SKP2: variants seen among roughly 807,000 people sequenced by gnomAD.
The protein encoded by SKP2 is S-phase kinase associated protein 2.
A neutral mutation model predicts 51.8 loss-of-function variants in SKP2; 16 were observed. That is an observed-to-expected ratio of 0.31 (90% CI 0.21 to 0.47). The LOEUF is 0.47. SKP2 is among the 20% of genes least tolerant of loss of function. The pLI is 1.00. For missense variants in SKP2, 377 were observed against 505.3 expected (o/e 0.75, Z 2.43); for synonymous variants, 176 against 198.6 (o/e 0.89, Z 0.96).
downstream of SKP2, among the ~76,000 whole-genome samples, chr5:36,189,179 T>C (rs1304122131): frequency 6.6e-6 from 1 of 152,180 alleles, no homozygotes; most frequent in Non-Finnish European, 1.5e-5. Flanking sequence ...AACTTCCTCC[T>C]TTAGCTCGGA....
chr5:36,171,554 T>C (rs1047389912), intron 6 of SKP2, 49 bp from the exon 7 acceptor site: 2 of 1,579,780 alleles, frequency 1.3e-6, no homozygotes, highest in Non-Finnish European at 8.7e-7. Flanking sequence ...GGCAAACTCA[T>C]TCCCGTGTGA....
At chr5:36,155,450 A>C (rs1744915530) in intron 2 of SKP2, among the ~76,000 whole-genome samples, 1 of 152,182 alleles carries the variant, frequency 6.6e-6, no homozygotes, top group Non-Finnish European at 1.5e-5. Flanking sequence ...GGAGTGCTGT[A>C]ATAATACCCA....
chr5:36,153,240 A>ATG (rs1405444262), intron 2 of SKP2, among the ~76,000 whole-genome samples, 198 bp downstream of exon 2: 2 of 115,060 alleles, frequency 1.7e-5, no homozygotes, highest in East Asian at 4.7e-4. Flanking sequence ...ATATATATAT[A>ATG]TATGTATGTT....
intron 5 of SKP2, 33 bp downstream of exon 5, chr5:36,168,480 T>C (rs7736391): frequency 0.82 from 1,321,950 of 1,609,692 alleles, 557,448 homozygotes; most frequent in Non-Finnish European, 0.88. Context: ...CAAAGGCAGT[T>C]GATTTTATGT....
Position 36,177,246 on chromosome 5 carries a change from C to A in SKP2, c.1015C>A (p.His339Asn). The change falls in exon 9 of 10, where the codon CAC becomes AAC. Residue 339 changes from histidine (H) to asparagine (N), a missense_variant. Physicochemically the swap from His to Asn is moderately conservative, Grantham distance 68 (BLOSUM62 1). This residue lies in a region of SKP2 where 262 missense variants were observed against 389.8 expected (regional missense o/e 0.67). Coordinates refer to ENST00000274255, the MANE Select transcript of SKP2 (RefSeq NM_005983.4). ...ATTTTTCCAGCTCAACTACCTCCAACACCTATCACTCAGTCGGTGCTATGA... is the reference window on the plus strand; with the variant it reads ...ATTTTTCCAGCTCAACTACCTCCAAAACCTATCACTCAGTCGGTGCTATGA... ...QEFFQLNYLQ[H>N]LSLSRCYDII... 7 of 1,612,120 alleles carry A rather than the reference C, an allele frequency of 4.3e-6. No homozygotes were observed. The highest frequency in any genetic ancestry group is 5.9e-6 in the Non-Finnish European group (7 of 1,178,464).
chr5:36,193,334 G>A (rs1746090224), intron 7 of SKP2: 1 of 152,074 alleles, frequency 6.6e-6, no homozygotes. Flanking sequence ...AAATTAGCCA[G>A]GCATAGTGGT....
Position 36,182,690 on chromosome 5 carries a change from C to T in SKP2, c.*659C>T. ...ATCAATATAGGATTTGAAGGCCCAG[C>T]AGACAGTTTTCTATGACAGGTTAAT... On this transcript the variant is annotated 3_prime_UTR_variant, in exon 10 of 10. Coordinates refer to ENST00000274255, the MANE Select transcript of SKP2 (RefSeq NM_005983.4). 2.0e-6 allele frequency: 2 copies of T among 977,690 alleles called. No individual in the cohort carries two copies. The highest frequency in any genetic ancestry group is 2.4e-6 in the Non-Finnish European group (2 of 822,948). 60.6% of individuals were successfully genotyped at this position (977,690 alleles called of 1,614,324 possible). A position where few individuals can be genotyped will look rare whatever the true frequency, so the allele number is the denominator to read the frequency against.
intron 4 of SKP2, 55 bp from the exon 5 acceptor site, chr5:36,168,258 T>C: frequency 1.3e-6 from 2 of 1,572,386 alleles, no homozygotes; most frequent in South Asian, 2.3e-5. Flanking sequence ...TGGTTTGAAA[T>C]TGGATGTACC....
At chr5:36,162,850 A>G (rs992771775) in intron 2 of SKP2, among the ~76,000 whole-genome samples, 1 of 152,162 alleles carries the variant, frequency 6.6e-6, no homozygotes, top group Non-Finnish European at 1.5e-5. Flanking sequence ...GGCCTCAGGA[A>G]ACGTACAAGC....
intron 3 of SKP2, among the ~76,000 whole-genome samples, chr5:36,164,633 G>A (rs1270200880): frequency 6.6e-6 from 1 of 152,168 alleles, no homozygotes; most frequent in Non-Finnish European, 1.5e-5. Context: ...TACAGGTGTG[G>A]GTTGTTTGCT....
chr5:36,163,670 T>A lies in SKP2; in HGVS notation c.306T>A (p.Asp102Glu). The A allele has an allele frequency of 6.2e-7, 1 of 1,613,856 alleles. No homozygotes were observed. Among genetic ancestry groups the A allele is most frequent in the South Asian group, 1.1e-5 (1 of 91,086 alleles). Residue 102 changes from aspartate (D) to glutamate (E), a missense_variant, in exon 3 of 10, where the codon GAT becomes GAA. Asp to Glu is a conservative substitution (Grantham distance 45, BLOSUM62 2). Around this residue, in one of 2 missense-constraint regions of SKP2, gnomAD observed 262 missense variants for 389.8 expected, o/e 0.67. Coordinates refer to ENST00000274255, the MANE Select transcript of SKP2 (RefSeq NM_005983.4). ...FPGVSWDSLP[D>E]ELLLGIFSCL... ...GTGTTTCATGGGACTCCCTTCCGGA[T>A]GAGCTGCTCTTGGGAATCTTTTCCT...
chr5:36,164,160 G>C (rs1272663428), intron 3 of SKP2, among the ~76,000 whole-genome samples: 2 of 152,330 alleles, frequency 1.3e-5, no homozygotes, highest in Admixed American at 6.5e-5. Flanking sequence ...CCCAGCCTCT[G>C]CTGCTTACGC....
chr5:36,193,064 T>C (rs1746076095), intron 7 of SKP2: 1 of 152,232 alleles, frequency 6.6e-6, no homozygotes, highest in Non-Finnish European at 1.5e-5. Flanking sequence ...TAAAACCTTT[T>C]AAAATATGGC....
chr5:36,174,503 TTCATTTTTTGG>T (rs1446674977), intron 7 of SKP2, among the ~76,000 whole-genome samples: 1 of 152,152 alleles, frequency 6.6e-6, no homozygotes, highest in Admixed American at 6.5e-5. Context: ...GTGTACTTTT[TTCATTTTTTGG>T]TCATTTATTA....
rs1745425368 is a variant in SKP2 at position 36,170,292 on chromosome 5, A to G, written c.672-52A>G. On this transcript the variant is annotated intron_variant, in intron 5 of 9. Transcript: ENST00000274255. ...GCCTGCTTTCATCTAAATGTTGTTG[A>G]TGAATAGTGTCTTACTGGTCTTTTT... 7.1e-5 allele frequency: 74 copies of G among 1,036,620 alleles called. 2 individuals carry two copies. The South Asian group carries it at 9.9e-4, about 14-fold the overall frequency. 64.2% of individuals were successfully genotyped at this position (1,036,620 alleles called of 1,614,324 possible). A position where few individuals can be genotyped will look rare whatever the true frequency, so the allele number is the denominator to read the frequency against.
downstream of SKP2, among the ~76,000 whole-genome samples, chr5:36,186,111 G>A (rs1745953080): frequency 6.6e-6 from 1 of 152,220 alleles, no homozygotes; most frequent in Admixed American, 6.5e-5. Flanking sequence ...TTTCTATCCT[G>A]AGACTTTGCT....
At chr5:36,190,887 C>T (rs1746009659) in intron 6 of SKP2, among the ~76,000 whole-genome samples, 5 of 152,076 alleles carry the variant, frequency 3.3e-5, no homozygotes, top group African/African-American at 9.7e-5. Context: ...TGCGTGAATC[C>T]TGAAGCATTG....
chr5:36,174,856 C>T (rs1276279697), intron 7 of SKP2, among the ~76,000 whole-genome samples: 2 of 152,018 alleles, frequency 1.3e-5, no homozygotes, highest in Non-Finnish European at 2.9e-5. Flanking sequence ...CCAGTGAGTG[C>T]AAATACCTTG....
intron 6 of SKP2, among the ~76,000 whole-genome samples, chr5:36,191,270 AC>A (rs1425678179): frequency 1.3e-5 from 2 of 152,170 alleles, no homozygotes; most frequent in African/African-American, 4.8e-5. Flanking sequence ...CTATTGGCAT[AC>A]AGGCAATAGA....
Sources: gnomAD v4.1 joint callset for allele counts (sites outside exome capture counted in the v4.1 genomes callset) on GRCh38, gnomAD v4.1.1 for gene constraint, gnomAD v4.1.1 regional missense constraint, MANE v1.5 for transcripts, NCBI Gene and HGNC (gene_info 2026-07-23, HGNC 2026-07-21) for gene names.